The following PPM1J variants were observed in gnomAD, a reference collection of about 807,000 sequenced individuals.
The protein encoded by PPM1J is protein phosphatase, Mg2+/Mn2+ dependent 1J.
In PPM1J, 43 loss-of-function variants were observed where a neutral mutation model predicts 53.3. That is an observed-to-expected ratio of 0.81 (90% confidence interval 0.63 to 1.04). The LOEUF is 1.04. PPM1J is among the 50% of genes least tolerant of loss of function. The pLI is 0.00. For synonymous variants in PPM1J, 267 were observed against 286.4 expected (o/e 0.93, Z 0.68); for missense variants, 635 against 685.9 (o/e 0.93, Z 0.83).
At position 112,714,751 on chromosome 1, in the gene PPM1J, G is replaced by A. The variant is rs374563428; in HGVS notation, c.326+225C>T. ...TCCTGAGGCGGCGTGGGCGAGGGCAGTCAATGAGCGGGAAGGACGTGAAGA... is the reference window on the plus strand; with the variant it reads ...TCCTGAGGCGGCGTGGGCGAGGGCAATCAATGAGCGGGAAGGACGTGAAGA... On this transcript the variant is annotated intron_variant, in intron 1 of 9. Transcript: ENST00000309276. 33 of 1,259,006 alleles carry A rather than the reference G, an allele frequency of 2.6e-5. No homozygotes were observed. The African/African-American group carries it at 4.8e-4, about 18-fold the overall frequency. The allele number at this position is 1,259,006 out of a possible 1,614,324, so 78.0% of individuals were successfully genotyped here. A position where few individuals can be genotyped will look rare whatever the true frequency, so the allele number is the denominator to read the frequency against.
chr1:112,713,123 G>T, intron 2 of PPM1J, 92 bp from the exon 3 acceptor site: 1 of 1,194,860 alleles, frequency 8.4e-7, no homozygotes, highest in Non-Finnish European at 1.2e-6. Context: ...ACAAGACTCT[G>T]GGCATCCATA....
chr1:112,715,183 G>C lies in PPM1J; in HGVS notation c.119C>G (p.Pro40Arg). 6.7e-7 allele frequency: 1 copy of C among 1,487,052 alleles called. No individual in the cohort carries two copies. The highest frequency in any genetic ancestry group is 8.8e-7 in the Non-Finnish European group (1 of 1,133,116). 92.1% of individuals were successfully genotyped at this position (1,487,052 alleles called of 1,614,324 possible). The change falls in exon 1 of 10, where the codon CCA (proline) becomes CGA (arginine). Residue 40 changes from proline (P) to arginine (R), a missense_variant. By Grantham distance (103) the Pro-to-Arg change is moderately radical (BLOSUM62 -2). Transcript: ENST00000309276. This position sits in a 1 kb window ranked among gnomAD's most constrained non-coding sequence, Gnocchi z 4.4. The part of the protein sequence containing the change: ...NAASAPPAAA[P>R]EAPRSPPAKA... ...CGCGGGAGGGCTCCTGGGCGCTTCT[G>C]GAGCGGCGGCGGGCGGCGCCGAGGC...
Position 112,715,168 on chromosome 1 carries a change from C to G in PPM1J, c.134G>C (p.Ser45Thr). ...CCCGCTCCCAGCCTTCGCGGGAGGG[C>G]TCCTGGGCGCTTCTGGAGCGGCGGC... ...PPAAAPEAPRSPPAKAGSGSA... is the reference protein window; with the variant it reads ...PPAAAPEAPRTPPAKAGSGSA... The change falls in exon 1 of 10, where the codon AGC (serine) becomes ACC (threonine). Residue 45 changes from serine to threonine, a missense_variant. Physicochemically the swap from Ser to Thr is moderately conservative, Grantham distance 58. Transcript: ENST00000309276. The surrounding 1 kb of genome is among the most constrained non-coding windows in gnomAD (Gnocchi z 4.4). 2 of 1,520,722 alleles carry G rather than the reference C, an allele frequency of 1.3e-6. No homozygotes were observed. The highest frequency in any genetic ancestry group is 1.7e-6 in the Non-Finnish European group (2 of 1,146,698). The allele number at this position is 1,520,722 out of a possible 1,614,324, so 94.2% of individuals were successfully genotyped here.
chr1:112,712,520 C>T (rs928423907), intron 3 of PPM1J, 63 bp from the exon 4 acceptor site: 2 of 1,408,894 alleles, frequency 1.4e-6, no homozygotes, highest in Non-Finnish European at 2.0e-6. Flanking sequence ...AGTCACCCTC[C>T]CCCTACCCCC....
chr1:112,714,299 G>A (rs944718857), intron 1 of PPM1J: 22 of 985,544 alleles, frequency 2.2e-5, no homozygotes, highest in Non-Finnish European at 2.7e-5. Context: ...GGTGCTCTGC[G>A]TTCCCGGCAG....
chr1:112,713,621 C>T lies in PPM1J; in HGVS notation c.327-10G>A. On this transcript the variant is annotated splice_polypyrimidine_tract_variant and intron_variant, in intron 1 of 9. Transcript: ENST00000309276. ...GCCAGCATTGATGACCCTGCCAGGC[C>T]AGAATGACCACATCAGGTTGGACAC... 1 of 1,606,668 alleles carries T rather than the reference C, an allele frequency of 6.2e-7. No homozygotes were observed. The highest frequency in any genetic ancestry group is 2.2e-5 in the East Asian group (1 of 44,840).
At chr1:112,714,661 C>G in intron 1 of PPM1J, 1 of 1,192,224 alleles carries the variant, frequency 8.4e-7, no homozygotes, top group Non-Finnish European at 1.0e-6. Context: ...CGGGCCGCGA[C>G]GGGGAACTGG....
At position 112,711,019 on chromosome 1, in the gene PPM1J, C is replaced by T. The variant is rs1408316880; in HGVS notation, c.1099G>A (p.Glu367Lys). Residue 367 changes from glutamate (E) to lysine (K), a missense_variant, in exon 7 of 10, where the codon GAG (glutamate) becomes AAG (lysine). Physicochemically the swap from Glu to Lys is moderately conservative, Grantham distance 56 (BLOSUM62 1). Transcript: ENST00000309276. Reference protein sequence around the residue: ...EDLRFPLVCGEGKKARVMATI... With the variant: ...EDLRFPLVCGKGKKARVMATI... ...ACCATGGAGTTTACCTTTTTGCCCTCCCCACAGACCAGAGGAAACCTGAGA... is the reference window on the plus strand; with the variant it reads ...ACCATGGAGTTTACCTTTTTGCCCTTCCCACAGACCAGAGGAAACCTGAGA... 1 of 1,613,854 alleles carries T rather than the reference C, an allele frequency of 6.2e-7. No homozygotes were observed. Among genetic ancestry groups the T allele is most frequent in the Non-Finnish European group, 8.5e-7 (1 of 1,179,892 alleles).
At position 112,712,984 on chromosome 1, in the gene PPM1J, G is replaced by A. The variant is rs369528126; in HGVS notation, c.489C>T (p.Gly163=). The part of the protein sequence containing the change: ...YWGLFDGHAG[G]GAAEMASRLL... Reference sequence around the variant, plus strand: ...GCCGTGAGGCCATTTCAGCAGCTCCGCCCCCTGCATGCCCATCAAATAGGC... The same window carrying A: ...GCCGTGAGGCCATTTCAGCAGCTCCACCCCCTGCATGCCCATCAAATAGGC... Residue 163 remains glycine (G), a synonymous_variant, in exon 3 of 10, where the codon GGC becomes GGT. Coordinates refer to ENST00000309276, the MANE Select transcript of PPM1J (RefSeq NM_005167.7). The A allele has an allele frequency of 4.8e-5, 77 of 1,612,742 alleles. No homozygotes were observed. Among genetic ancestry groups the A allele is most frequent in the Admixed American group, 2.7e-4 (16 of 59,974 alleles).
chr1:112,711,713 T>G (rs1407246636), intron 5 of PPM1J, among the ~76,000 whole-genome samples: 2 of 152,122 alleles, frequency 1.3e-5, no homozygotes, highest in Non-Finnish European at 2.9e-5. Flanking sequence ...GCCTTTGCTG[T>G]TTCCTTCCCC....
In PPM1J at chr1:112,712,841, G is replaced by C. The variant is rs779115094; in HGVS notation, c.632C>G (p.Ser211Cys). 1 of 1,613,816 alleles carries C rather than the reference G, an allele frequency of 6.2e-7. No individual in the cohort carries two copies. Among genetic ancestry groups the C allele is most frequent in the Non-Finnish European group, 8.5e-7 (1 of 1,180,018 alleles). The change falls in exon 3 of 10, where the codon TCT becomes TGT. Residue 211 changes from serine (S) to cysteine (C), a missense_variant. Transcript: ENST00000309276. ...TPGTPDSSDP[S>C]HLLGPQSCWS... ...GCAGGACTGAGGGCCAAGCAAGTGA[G>C]AGGGATCGGAGGAATCTGGGGTCCC...
chr1:112,711,402 CAGA>C lies in PPM1J; in HGVS notation c.928-21_928-19del. On this transcript the variant is annotated intron_variant, in intron 5 of 9. Transcript: ENST00000309276. ...AGGAAGCCCTGGAGTTGGGGATGATCAGAACAGAGAGCCAGGGGGCATTATGCT... is the reference window on the plus strand; with the variant it reads ...AGGAAGCCCTGGAGTTGGGGATGATCACAGAGAGCCAGGGGGCATTATGCT... 1 of 1,515,238 alleles carries C rather than the reference CAGA, an allele frequency of 6.6e-7. No homozygotes were observed. The highest frequency in any genetic ancestry group is 9.1e-7 in the Non-Finnish European group (1 of 1,100,618). The allele number at this position is 1,515,238 out of a possible 1,614,324, so 93.9% of individuals were successfully genotyped here.
rs1675086846 is a variant in PPM1J, at chr1:112,712,462, C to G, written c.730-5G>C. On this transcript the variant is annotated splice_region_variant and splice_polypyrimidine_tract_variant and intron_variant, in intron 3 of 9. Coordinates refer to ENST00000309276, the MANE Select transcript of PPM1J (RefSeq NM_005167.7). ...CTCCCGGGCCATCTGCTCATCCTGC[C>G]ACATAAGGAAGGGTCAGAGGTGGGT... The G allele has an allele frequency of 1.2e-6, 2 of 1,612,770 alleles. No homozygotes were observed. Among genetic ancestry groups the G allele is most frequent in the African/African-American group, 1.3e-5 (1 of 75,010 alleles).
rs1362050322 is a variant in PPM1J, at chr1:112,710,804, G to A, written c.1158C>T (p.His386=). 3 of 1,613,894 alleles carry A rather than the reference G, an allele frequency of 1.9e-6. No individual in the cohort carries two copies. Among genetic ancestry groups the A allele is most frequent in the Admixed American group, 3.3e-5 (2 of 60,008 alleles). The part of the protein sequence containing the change: ...TIGVTRGLGD[H]SLKVCSSTLP... ...GGGTGGAACTGCAGACCTTAAGGCT[G>A]TGGTCTCCCAAGCCTCGGGTCACCC... The change falls in exon 8 of 10, where the codon CAC becomes CAT. Residue 386 remains histidine (H), a synonymous_variant. Transcript: ENST00000309276.
Position 112,711,067 on chromosome 1 carries a change from A to AG in PPM1J, c.1050dup (p.Tyr351LeufsTer39). 1.2e-6 allele frequency: 2 copies of AG among 1,613,968 alleles called. No individual in the cohort carries two copies. The highest frequency in any genetic ancestry group is 1.7e-6 in the Non-Finnish European group (2 of 1,179,926). ...AGATCCTCCAGCTCGATCTTTTTGT[A>AG]GGCCCTGGGGAGGGGGGAGTAGAGG... is the stretch of plus-strand genomic sequence containing the variant. On this transcript the variant is annotated frameshift_variant, in exon 7 of 10. Coordinates refer to ENST00000309276, the MANE Select transcript of PPM1J (RefSeq NM_005167.7). LOFTEE classifies it high-confidence loss of function.
In PPM1J at chr1:112,711,078, A is replaced by AG. The variant is rs756900188; in HGVS notation, c.1047-8dup. On this transcript the variant is annotated splice_polypyrimidine_tract_variant and splice_region_variant and intron_variant, in intron 6 of 9. Transcript: ENST00000309276. ...CTCGATCTTTTTGTAGGCCCTGGGG[A>AG]GGGGGGAGTAGAGGAGGCATCACCC... is the stretch of plus-strand genomic sequence containing the variant. 1.2e-6 allele frequency: 2 copies of AG among 1,613,446 alleles called. No homozygotes were observed. The highest frequency in any genetic ancestry group is 1.1e-5 in the South Asian group (1 of 91,054).
rs1675173319 is a variant in PPM1J, at chr1:112,715,218, C to A, written c.84G>T (p.Leu28=). 3 of 1,432,676 alleles carry A rather than the reference C, an allele frequency of 2.1e-6. No individual in the cohort carries two copies. The highest frequency in any genetic ancestry group is 2.9e-5 in the South Asian group (2 of 68,486). The allele number at this position is 1,432,676 out of a possible 1,614,324, so 88.7% of individuals were successfully genotyped here. ...APPPRPKSPD[L]PNAASAPPAA... ...CGGGCGGCGCCGAGGCGGCGTTGGG[C>A]AGGTCCGGGGATTTGGGGCGCGGAG... The change falls in exon 1 of 10, where the codon CTG becomes CTT. Residue 28 remains leucine (L), a synonymous_variant. Coordinates refer to ENST00000309276, the MANE Select transcript of PPM1J (RefSeq NM_005167.7). This position sits in a 1 kb window ranked among gnomAD's most constrained non-coding sequence, Gnocchi z 4.4.
rs148237877 is a variant in PPM1J at position 112,711,301 on chromosome 1, C to T, written c.1011G>A (p.Gln337=). ...TGTTCTGGTCCCGGTACAACATCCT[C>T]TGCCCCAGCTCCTTGGGCAGAACTC... ...PRRVLPKELG[Q]RMLYRDQNMT... Residue 337 remains glutamine, a synonymous_variant, in exon 6 of 10, where the codon CAG becomes CAA. Coordinates refer to ENST00000309276, the MANE Select transcript of PPM1J (RefSeq NM_005167.7). 1.4e-4 allele frequency: 229 copies of T among 1,607,808 alleles called. No individual in the cohort carries two copies. Among genetic ancestry groups the T allele is most frequent in the Non-Finnish European group, 1.8e-4 (216 of 1,176,962 alleles).
rs1675167743 is a variant in PPM1J, at chr1:112,715,068, C to A, written c.234G>T (p.Gly78=). 1 of 1,550,838 alleles carries A rather than the reference C, an allele frequency of 6.4e-7. No individual in the cohort carries two copies. The highest frequency in any genetic ancestry group is 1.4e-5 in the African/African-American group (1 of 71,290). ...SRPTFLQLSP[G]GLRRADDHAG... ...CGTGGTCATCGGCGCGTCGCAGCCC[C>A]CCGGGGCTCAGCTGCAGAAAGGTCG... The change falls in exon 1 of 10, where the codon GGG becomes GGT. Residue 78 remains glycine, a synonymous_variant. Transcript: ENST00000309276. The surrounding 1 kb of genome is among the most constrained non-coding windows in gnomAD (Gnocchi z 4.4).
Sources: gnomAD v4.1 joint callset for allele counts (sites outside exome capture counted in the v4.1 genomes callset) on GRCh38, gnomAD v4.1.1 for gene constraint, Gnocchi (gnomAD v3.1) non-coding constraint, MANE v1.5 for transcripts, NCBI Gene and HGNC (gene_info 2026-07-23, HGNC 2026-07-21) for gene names.